The following FSTL4 variants were observed in gnomAD, a reference collection of about 807,000 sequenced individuals.
FSTL4 encodes the protein follistatin like 4.
A neutral mutation model predicts 78.2 loss-of-function variants in FSTL4; 28 were observed. That is an observed-to-expected ratio of 0.36 (90% confidence interval 0.27 to 0.49). The LOEUF is 0.49. FSTL4 is among the 20% of genes least tolerant of loss of function. FSTL4 has a pLI of 0.98. For synonymous variants in FSTL4, 422 were observed against 440.5 expected, an observed-to-expected ratio of 0.96 and a Z score of 0.53; for missense variants, 922 against 1,084.9, an observed-to-expected ratio of 0.85 and a Z score of 2.11.
intron 14 of FSTL4, among the ~76,000 whole-genome samples, chr5:133,204,945 C>A (rs982758809): frequency 6.6e-6 from 1 of 151,642 alleles, no homozygotes; most frequent in Non-Finnish European, 1.5e-5. Flanking sequence ...GCAATGGTTT[C>A]TTTAATCCTA....
chr5:133,676,694 A>G, the FSTL4 span, among the ~76,000 whole-genome samples: 1 of 152,188 alleles, frequency 6.6e-6, no homozygotes, highest in Non-Finnish European at 1.5e-5. Context: ...TAAAAGATAG[A>G]TTGCTCTTTT....
chr5:133,423,564 G>A (rs1756743122), intron 3 of FSTL4, among the ~76,000 whole-genome samples: 1 of 152,192 alleles, frequency 6.6e-6, no homozygotes, highest in Non-Finnish European at 1.5e-5. Context: ...AGTAGTAAAG[G>A]CACAAAGGTG....
chr5:133,227,088 A>T (rs1385724053), intron 8 of FSTL4, among the ~76,000 whole-genome samples: 3 of 152,228 alleles, frequency 2.0e-5, no homozygotes, highest in Non-Finnish European at 4.4e-5. Flanking sequence ...TGAAAGCTAA[A>T]TGGACAACTG....
At chr5:133,668,991 G>C in the FSTL4 span, among the ~76,000 whole-genome samples, 1 of 152,146 alleles carries the variant, frequency 6.6e-6, no homozygotes, top group Non-Finnish European at 1.5e-5. Context: ...AGCAAATTAT[G>C]ATATTAAAAA....
At chr5:133,764,429 C>A in the FSTL4 span, among the ~76,000 whole-genome samples, 1 of 152,164 alleles carries the variant, frequency 6.6e-6, no homozygotes, top group Non-Finnish European at 1.5e-5. Flanking sequence ...GGGGACCCAG[C>A]AGAGAACAAG....
At chr5:133,204,880 C>T (rs1469880349) in intron 14 of FSTL4, among the ~76,000 whole-genome samples, 1 of 151,772 alleles carries the variant, frequency 6.6e-6, no homozygotes, top group East Asian at 1.9e-4. Context: ...TAACACTTCC[C>T]AATGGCTCAC....
intron 11 of FSTL4, among the ~76,000 whole-genome samples, chr5:133,221,907 T>TTTTG (rs1561626762): frequency 3.5e-5 from 4 of 114,118 alleles, no homozygotes; most frequent in African/African-American, 1.8e-4. Flanking sequence ...TTTTTTTTTT[T>TTTTG]TTTTTTTTTT....
rs780358825 is a variant in FSTL4, at chr5:133,225,236, CCT to C, written c.1224_1225del (p.Ala410IlefsTer8). 4 of 1,613,958 alleles carry C rather than the reference CCT, an allele frequency of 2.5e-6. No homozygotes were observed. The highest frequency in any genetic ancestry group is 3.4e-6 in the Non-Finnish European group (4 of 1,179,856). On this transcript the variant is annotated frameshift_variant, in exon 10 of 16. Transcript: ENST00000265342. LOFTEE classifies it high-confidence loss of function. The surrounding 1 kb of genome is among the most constrained non-coding windows in gnomAD (Gnocchi z 4.6). ...ATTTTTGGCAATGCAGGTGTATGCC[CCT>C]GTGTCTTCATACCGAACACTGCTGA... is the stretch of plus-strand genomic sequence containing the variant.
the FSTL4 span, among the ~76,000 whole-genome samples, chr5:133,735,741 C>T: frequency 1.3e-5 from 2 of 152,140 alleles, no homozygotes; most frequent in Admixed American, 6.5e-5. Context: ...AGGGACCTCA[C>T]GTCTCTATAA....
chr5:133,221,879 ATC>A (rs1168327563), intron 11 of FSTL4, among the ~76,000 whole-genome samples: 1 of 105,024 alleles, frequency 9.5e-6, no homozygotes, highest in Non-Finnish European at 1.9e-5. Context: ...ATGTAGAAAA[ATC>A]TCTTTTCTAG....
rs750385720 is a variant in FSTL4 at position 133,442,616 on chromosome 5, A to T, written c.161-41630T>A. Among the ~76,000 whole-genome samples, 54 of 152,360 alleles carry T rather than the reference A, an allele frequency of 3.5e-4. 1 individual carries two copies. Among genetic ancestry groups the T allele is most frequent in the Non-Finnish European group, 3.4e-4 (23 of 68,028 alleles). The stretch of plus-strand genomic sequence containing the variant: ...CATTCTTTTATTTAGTTTTTTAAAA[A>T]TGCTCACGCAGTGGTACATAATCTT... On this transcript the variant is annotated intron_variant, in intron 3 of 15. Transcript: ENST00000265342.
chr5:133,686,453 C>T, the FSTL4 span, among the ~76,000 whole-genome samples: 1 of 152,202 alleles, frequency 6.6e-6, no homozygotes, highest in African/African-American at 2.4e-5. Flanking sequence ...AAGAGTTACA[C>T]GAATCAGTCA....
intron 2 of FSTL4, among the ~76,000 whole-genome samples, chr5:133,570,153 G>A (rs2112946843): frequency 6.6e-6 from 1 of 151,410 alleles, no homozygotes; most frequent in Admixed American, 6.6e-5. Context: ...AGCTTGCAGT[G>A]AGCCGAGATC....
At chr5:133,607,160 C>T (rs1217926718) in intron 1 of FSTL4, among the ~76,000 whole-genome samples, 1 of 152,210 alleles carries the variant, frequency 6.6e-6, no homozygotes, top group African/African-American at 2.4e-5. Context: ...CTACCACTAG[C>T]TGTGATTTCA....
intron 3 of FSTL4, among the ~76,000 whole-genome samples, chr5:133,453,839 G>C (rs1445843746): frequency 2.0e-5 from 3 of 152,202 alleles, no homozygotes; most frequent in Non-Finnish European, 4.4e-5. Flanking sequence ...TGGCTGCCCA[G>C]CCTCTAAGGC....
the FSTL4 span, among the ~76,000 whole-genome samples, chr5:133,811,063 T>G: frequency 6.6e-6 from 1 of 152,196 alleles, no homozygotes; most frequent in Non-Finnish European, 1.5e-5. Flanking sequence ...TCTTAAGTCC[T>G]ATATCAATTC....
intron 3 of FSTL4, among the ~76,000 whole-genome samples, chr5:133,490,689 G>C (rs527715846): frequency 2.4e-4 from 36 of 152,182 alleles, no homozygotes; most frequent in Admixed American, 1.2e-3. Flanking sequence ...TGGGTTTGTA[G>C]TGGGCTTTTT....
the FSTL4 span, among the ~76,000 whole-genome samples, chr5:133,783,748 C>T: frequency 1.3e-5 from 2 of 152,162 alleles, no homozygotes; most frequent in African/African-American, 4.8e-5. Context: ...TTTGGGGAAA[C>T]GTTCCTTTCT....
At chr5:133,514,645 A>G (rs116577322) in intron 3 of FSTL4, among the ~76,000 whole-genome samples, 4,023 of 152,360 alleles carry the variant, frequency 0.026, 93 homozygotes, top group Non-Finnish European at 0.038. Context: ...AAAAGCATTC[A>G]TCATGTTCCA....
Sources: gnomAD v4.1 joint callset for allele counts (sites outside exome capture counted in the v4.1 genomes callset) on GRCh38, gnomAD v4.1.1 for gene constraint, Gnocchi (gnomAD v3.1) non-coding constraint, MANE v1.5 for transcripts, NCBI Gene and HGNC (gene_info 2026-07-23, HGNC 2026-07-21) for gene names.